The following ULK4 variants were observed in gnomAD, a reference collection of about 807,000 sequenced individuals.
The protein encoded by ULK4 is unc-51 like kinase 4, also known as inactive serine/threonine-protein kinase ULK4.
A neutral mutation model predicts 160.6 loss-of-function variants in ULK4; 133 were observed. The observed-to-expected ratio is 0.83, with a 90% CI of 0.72 to 0.96. The LOEUF (loss-of-function observed/expected upper bound fraction) is 0.96, where lower values mean the gene tolerates loss of function less well. Ranked by LOEUF, ULK4 falls within the 40% of genes least tolerant of loss-of-function variation. The pLI, the probability that ULK4 is intolerant of heterozygous loss-of-function variation, is 0.00. For missense variants in ULK4, 1,580 were observed against 1,499.5 expected (o/e 1.05, Z -0.89); for synonymous variants, 534 against 539.8 (o/e 0.99, Z 0.15).
At chr3:41,828,129 G>A (rs1232706596) in intron 18 of ULK4, among the ~76,000 whole-genome samples, 2 of 148,470 alleles carry the variant, frequency 1.3e-5, no homozygotes, top group African/African-American at 2.5e-5. Flanking sequence ...TCAAAAATTA[G>A]GTACTGATGA....
At chr3:41,743,854 A>G (rs1575638050) in intron 22 of ULK4, among the ~76,000 whole-genome samples, 1 of 151,820 alleles carries the variant, frequency 6.6e-6, no homozygotes, top group South Asian at 2.1e-4. Flanking sequence ...TTAGTAGAGA[A>G]GGGGTTTCAT....
At chr3:41,271,855 T>C (rs1359534821) in intron 35 of ULK4, among the ~76,000 whole-genome samples, 1 of 152,178 alleles carries the variant, frequency 6.6e-6, no homozygotes, top group Non-Finnish European at 1.5e-5. Flanking sequence ...ATCATGGTAG[T>C]GTAGTTACCA....
At chr3:41,334,455 G>A (rs1234705532) in intron 35 of ULK4, among the ~76,000 whole-genome samples, 1 of 152,170 alleles carries the variant, frequency 6.6e-6, no homozygotes, top group Non-Finnish European at 1.5e-5. Context: ...GATGACTCTG[G>A]AGGATTTTTT....
At chr3:41,728,721 T>C (rs527754521) in intron 22 of ULK4, among the ~76,000 whole-genome samples, 1 of 152,238 alleles carries the variant, frequency 6.6e-6, no homozygotes, top group South Asian at 2.1e-4. Context: ...GGGTGTCAAG[T>C]AAGAAAGTAC....
At chr3:41,462,631 C>A (rs1034911674) in intron 33 of ULK4, among the ~76,000 whole-genome samples, 1 of 152,164 alleles carries the variant, frequency 6.6e-6, no homozygotes, top group African/African-American at 2.4e-5. Flanking sequence ...AGAAAATGAG[C>A]TTATGAGTTA....
At chr3:41,375,361 C>T (rs1015981122) in intron 35 of ULK4, among the ~76,000 whole-genome samples, 4 of 151,352 alleles carry the variant, frequency 2.6e-5, no homozygotes, top group Non-Finnish European at 5.9e-5. Context: ...CTGGAGGCAT[C>T]ACACTACCTG....
chr3:41,595,972 TAA>T (rs2031660042), intron 31 of ULK4, among the ~76,000 whole-genome samples: 4 of 152,106 alleles, frequency 2.6e-5, no homozygotes. Context: ...TAACGAGATC[TAA>T]AAAGAGAGTC....
At chr3:41,624,913 T>C (rs1206408971) in intron 30 of ULK4, among the ~76,000 whole-genome samples, 1 of 152,222 alleles carries the variant, frequency 6.6e-6, no homozygotes, top group Non-Finnish European at 1.5e-5. Context: ...CATTTTTTTT[T>C]GCTAGACATC....
At chr3:41,673,876 G>C in intron 29 of ULK4, among the ~76,000 whole-genome samples, 1 of 151,982 alleles carries the variant, frequency 6.6e-6, no homozygotes, top group East Asian at 1.9e-4. Context: ...ACAATTAGCT[G>C]AAGTCATCCC....
At chr3:41,710,550 T>G (rs1291470241) in intron 25 of ULK4, among the ~76,000 whole-genome samples, 1 of 152,010 alleles carries the variant, frequency 6.6e-6, no homozygotes, top group Non-Finnish European at 1.5e-5. Context: ...TCCCAGCACT[T>G]TGGGAGGCTG....
At position 41,918,875 on chromosome 3, in the gene ULK4, A is replaced by G. The variant is rs551428738; in HGVS notation, c.644-335T>C. ...CTCGATCTCCCAAAGTGCTGGGATT[A>G]CAGGCGTGAGCCACCACACCTGGCC... On this transcript the variant is annotated intron_variant, in intron 6 of 36. Coordinates refer to ENST00000301831, the MANE Select transcript of ULK4 (RefSeq NM_017886.4). 7.9e-5 allele frequency among the ~76,000 whole-genome samples: 12 copies of G among 152,294 alleles called. No homozygotes were observed. The East Asian group carries it at 1.9e-3, about 25-fold the overall frequency.
intron 32 of ULK4, among the ~76,000 whole-genome samples, chr3:41,493,706 A>G (rs2084880018): frequency 6.6e-6 from 1 of 151,432 alleles, no homozygotes; most frequent in South Asian, 2.1e-4. Flanking sequence ...AAAAAAAGAG[A>G]TAAGAATCAA....
chr3:41,667,889 C>A (rs2125769891), intron 29 of ULK4, among the ~76,000 whole-genome samples: 1 of 152,316 alleles, frequency 6.6e-6, no homozygotes, highest in African/African-American at 2.4e-5. Context: ...AAGAGACAGT[C>A]CCCAACTCTT....
intron 19 of ULK4, among the ~76,000 whole-genome samples, chr3:41,806,468 TTG>T (rs1380392785): frequency 1.3e-5 from 2 of 152,214 alleles, no homozygotes; most frequent in African/African-American, 2.4e-5. Flanking sequence ...CAAGGGTTTT[TTG>T]TGTCTGTATT....
intron 35 of ULK4, among the ~76,000 whole-genome samples, chr3:41,364,836 C>T (rs967058110): frequency 2.6e-5 from 4 of 152,088 alleles, no homozygotes; most frequent in Middle Eastern, 3.2e-3. Context: ...ATCTTTTTTA[C>T]GGCTTCAATA....
At chr3:41,671,087 A>G (rs2035522499) in intron 29 of ULK4, among the ~76,000 whole-genome samples, 1 of 152,140 alleles carries the variant, frequency 6.6e-6, no homozygotes, top group Non-Finnish European at 1.5e-5. Flanking sequence ...TCTACAAAAG[A>G]TTTATCAAAG....
chr3:41,830,658 C>T (rs966317318), intron 18 of ULK4, among the ~76,000 whole-genome samples: 7 of 152,046 alleles, frequency 4.6e-5, no homozygotes, highest in African/African-American at 1.7e-4. Context: ...ACTAGACTGT[C>T]ATTATTGGTA....
Position 41,797,283 on chromosome 3 carries a change from A to G in ULK4, c.2010+2849T>C, listed in dbSNP as rs1262670227. On this transcript the variant is annotated intron_variant, in intron 20 of 36. Coordinates refer to ENST00000301831, the MANE Select transcript of ULK4 (RefSeq NM_017886.4). ...AGACTGTATATGAGCTACAAAACCCAAAATATTTATTATCTGATCCTTTAT... is the reference window on the plus strand; with the variant it reads ...AGACTGTATATGAGCTACAAAACCCGAAATATTTATTATCTGATCCTTTAT... 3.3e-5 allele frequency among the ~76,000 whole-genome samples: 5 copies of G among 152,234 alleles called. No individual in the cohort carries two copies. In the East Asian group the frequency reaches 9.6e-4, roughly 29 times the overall value.
chr3:41,615,148 T>C (rs1190557645), intron 31 of ULK4, among the ~76,000 whole-genome samples: 1 of 152,180 alleles, frequency 6.6e-6, no homozygotes, highest in Admixed American at 6.5e-5. Flanking sequence ...AGAGGAAAGA[T>C]TTTCTTTAAC....
Sources: allele counts gnomAD v4.1 joint callset (sites outside exome capture counted in the v4.1 genomes callset), GRCh38; gene constraint gnomAD v4.1.1; transcripts MANE v1.5; gene names NCBI Gene and HGNC (gene_info 2026-07-23, HGNC 2026-07-21).